Variants in SCN2A observed in about 807,000 individuals in gnomAD.
The protein encoded by SCN2A is sodium channel protein type 2 subunit alpha.
SCN2A carries 20 observed loss-of-function variants against 188.7 expected under a neutral mutation model. That is an observed-to-expected ratio of 0.11 (90% CI 0.07 to 0.15). SCN2A has a LOEUF of 0.15. Among genes scored for constraint, SCN2A ranks in the 10% least tolerant of loss-of-function variants. SCN2A has a pLI of 1.00. For missense variants in SCN2A, 1,278 were observed against 2,445.0 expected, an observed-to-expected ratio of 0.52 and a Z score of 10.07; for synonymous variants, 804 against 833.1, an observed-to-expected ratio of 0.97 and a Z score of 0.60.
rs1375200092 is a variant in SCN2A, at chr2:165,313,743, G to A, written c.1158G>A (p.Trp386Ter). The change falls in exon 9 of 27, where the codon TGG becomes TGA. Residue 386 changes from tryptophan to a stop codon, truncating the protein, a stop_gained. Transcript: ENST00000375437. LOFTEE classifies it high-confidence loss of function. ...SLFRLMTQDF[W>*]ENLYQLTLRA... is the part of the protein sequence containing the mutation. ...TTCGTCTCATGACTCAAGACTTCTG[G>A]GAAAACCTTTATCAACTGGTGAGAA... The A allele has an allele frequency of 6.2e-7, 1 of 1,613,466 alleles. No homozygotes were observed.
intron 3 of SCN2A, among the ~76,000 whole-genome samples, chr2:165,303,619 C>T (rs1013900097): frequency 6.6e-6 from 1 of 152,114 alleles, no homozygotes; most frequent in African/African-American, 2.4e-5. Context: ...TTCAGTCACT[C>T]ACCAGAATCC....
chr2:165,381,806 C>T (rs556453306), intron 25 of SCN2A, among the ~76,000 whole-genome samples: 1 of 152,116 alleles, frequency 6.6e-6, no homozygotes, highest in East Asian at 1.9e-4. Context: ...AGTTTGGCTG[C>T]TGCAGGGAGT....
intron 1 of SCN2A, among the ~76,000 whole-genome samples, chr2:165,250,286 A>G (rs1009321620): frequency 6.6e-6 from 1 of 152,054 alleles, no homozygotes; most frequent in African/African-American, 2.4e-5. Context: ...CAACATAACT[A>G]TGTCCTACTT....
chr2:165,369,986 A>G (rs1322705325), intron 19 of SCN2A, 140 bp from the exon 20 acceptor site: 1 of 685,570 alleles, frequency 1.5e-6, no homozygotes, highest in East Asian at 2.7e-5. Flanking sequence ...ATAATGATAA[A>G]GTAAAATTCA....
chr2:165,384,598 G>A (rs1701771272), intron 25 of SCN2A, among the ~76,000 whole-genome samples: 1 of 152,020 alleles, frequency 6.6e-6, no homozygotes, highest in African/African-American at 2.4e-5. Context: ...CTATACTCTA[G>A]GAGCCATATC....
chr2:165,250,143 A>G (rs1332559677), intron 1 of SCN2A, among the ~76,000 whole-genome samples: 1 of 152,076 alleles, frequency 6.6e-6, no homozygotes, highest in Admixed American at 6.6e-5. Flanking sequence ...ATATAAGGAC[A>G]GATATTGTTT....
At chr2:165,291,507 CTTTCTTCCTCTCCTTTCT>C in intron 1 of SCN2A, among the ~76,000 whole-genome samples, 1 of 104,436 alleles carries the variant, frequency 9.6e-6, no homozygotes, top group African/African-American at 3.5e-5. Context: ...TTCTTTCTTT[CTTTCTTCCTCTCCTTTCT>C]TTCCTTCCTT....
intron 2 of SCN2A, 143 bp from the exon 3 acceptor site, chr2:165,296,874 A>C: frequency 3.8e-6 from 2 of 531,932 alleles, no homozygotes; most frequent in Non-Finnish European, 6.8e-6. Context: ...AAAAGCATCT[A>C]TCTTCATGTC....
intron 16 of SCN2A, among the ~76,000 whole-genome samples, chr2:165,353,052 T>C (rs924194353): frequency 3.3e-5 from 5 of 151,572 alleles, no homozygotes; most frequent in Non-Finnish European, 7.4e-5. Context: ...TCGTAAGTTG[T>C]CTTTTTTTTT....
At chr2:165,327,167 T>A (rs928267505) in intron 13 of SCN2A, 183 bp downstream of exon 13, 1 of 652,834 alleles carries the variant, frequency 1.5e-6, no homozygotes, top group African/African-American at 1.9e-5. Flanking sequence ...TTTTTTTTTT[T>A]ATATTTAGCC....
intron 24 of SCN2A, 145 bp from the exon 25 acceptor site, chr2:165,380,948 T>G: frequency 1.4e-6 from 1 of 691,728 alleles, no homozygotes; most frequent in Non-Finnish European, 2.5e-6. Flanking sequence ...GCATAATTTA[T>G]ATATTGAATA....
At chr2:165,256,559 C>T (rs1559319142) in intron 1 of SCN2A, among the ~76,000 whole-genome samples, 1 of 152,174 alleles carries the variant, frequency 6.6e-6, no homozygotes, top group East Asian at 1.9e-4. Flanking sequence ...TCACAGACTT[C>T]CATTTAACAA....
In SCN2A at chr2:165,354,578, T is replaced by C; in HGVS notation, c.3306T>C (p.Thr1102=). 3 of 1,614,088 alleles carry C rather than the reference T, an allele frequency of 1.9e-6. No individual in the cohort carries two copies. The highest frequency in any genetic ancestry group is 2.5e-6 in the Non-Finnish European group (3 of 1,179,990). Residue 1102 remains threonine (T), a synonymous_variant, in exon 17 of 27, where the codon ACT becomes ACC. Coordinates refer to ENST00000375437, the MANE Select transcript of SCN2A (RefSeq NM_001040142.2). ...YMSFINNPSL[T]VTVPIAVGES... ...CATTTATAAACAACCCTAGCCTCACTGTGACAGTACCAATTGCTGTTGGAG... is the reference window on the plus strand; with the variant it reads ...CATTTATAAACAACCCTAGCCTCACCGTGACAGTACCAATTGCTGTTGGAG...
chr2:165,311,915 A>G (rs1697452763), intron 7 of SCN2A, 110 bp from the exon 8 acceptor site: 1 of 712,516 alleles, frequency 1.4e-6, no homozygotes, highest in African/African-American at 1.8e-5. Context: ...TTATTAGTTT[A>G]TCCATCTCAT....
intron 17 of SCN2A, 131 bp downstream of exon 17, chr2:165,354,802 C>T: frequency 2.2e-6 from 2 of 907,372 alleles, no homozygotes; most frequent in Non-Finnish European, 3.3e-6. Context: ...AATATATTTT[C>T]CATGGAAAAG....
At chr2:165,345,372 A>T (rs1253016367) in intron 16 of SCN2A, among the ~76,000 whole-genome samples, 1 of 152,140 alleles carries the variant, frequency 6.6e-6, no homozygotes, top group East Asian at 1.9e-4. Flanking sequence ...TAAAAACATT[A>T]ATTGTCATTT....
In SCN2A at chr2:165,333,668, A is replaced by G. The variant is rs965169940; in HGVS notation, c.2388+2100A>G. Among the ~76,000 whole-genome samples the G allele has an allele frequency of 4.6e-5, 7 of 151,978 alleles. 1 individual carries two copies. Among genetic ancestry groups the G allele is most frequent in the African/African-American group, 1.7e-4 (7 of 41,542 alleles). On this transcript the variant is annotated intron_variant, in intron 14 of 26. Coordinates refer to ENST00000375437, the MANE Select transcript of SCN2A (RefSeq NM_001040142.2). ...TAAAACAATATTTAAAGACAAATTTATACTCTAAATGTCTATAGTAAAATA... is the reference window on the plus strand; with the variant it reads ...TAAAACAATATTTAAAGACAAATTTGTACTCTAAATGTCTATAGTAAAATA...
chr2:165,357,914 C>T (rs1299596765), intron 17 of SCN2A, among the ~76,000 whole-genome samples: 1 of 152,152 alleles, frequency 6.6e-6, no homozygotes, highest in Admixed American at 6.5e-5. Context: ...TGACTTTTGA[C>T]TGGCCTGCAT....
chr2:165,277,218 A>G (rs1482409766), intron 1 of SCN2A, among the ~76,000 whole-genome samples: 8 of 152,196 alleles, frequency 5.3e-5, no homozygotes, highest in African/African-American at 1.9e-4. Flanking sequence ...TTACTGCAGT[A>G]TCTGCTAGTA....
Sources: allele counts gnomAD v4.1 joint callset (sites outside exome capture counted in the v4.1 genomes callset), GRCh38; gene constraint gnomAD v4.1.1; transcripts MANE v1.5; gene names NCBI Gene and HGNC (gene_info 2026-07-23, HGNC 2026-07-21).